The following SUMF1 variants were observed in gnomAD, a reference collection of about 807,000 sequenced individuals.
SUMF1 encodes the protein formylglycine-generating enzyme.
Under a neutral mutation model 47.6 loss-of-function variants are expected in SUMF1, and 48 were observed. The ratio of observed to expected loss-of-function variants is 1.01; its 90% CI spans 0.80 to 1.28. The LOEUF is 1.28. Among genes scored for constraint, SUMF1 ranks in the 50% most tolerant of loss-of-function variants. The pLI, the probability that SUMF1 is intolerant of heterozygous loss-of-function variation, is 0.00. For synonymous variants in SUMF1, 230 were observed against 192.1 expected, an observed-to-expected ratio of 1.20 and a Z score of -1.63; for missense variants, 571 against 485.4, an observed-to-expected ratio of 1.18 and a Z score of -1.66.
intron 8 of SUMF1, among the ~76,000 whole-genome samples, chr3:4,299,782 C>G (rs568079787): frequency 6.6e-6 from 1 of 151,990 alleles, no homozygotes; most frequent in East Asian, 1.9e-4. Context: ...TGCACTCCAG[C>G]CTGGGTGACA....
At chr3:4,376,162 A>T (rs1300560255) in intron 8 of SUMF1, among the ~76,000 whole-genome samples, 168 bp downstream of exon 8, 1 of 152,210 alleles carries the variant, frequency 6.6e-6, no homozygotes, top group African/African-American at 2.4e-5. Context: ...ACTTTTCTCC[A>T]TGCTTGTAAC....
intron 8 of SUMF1, among the ~76,000 whole-genome samples, chr3:4,267,354 C>T (rs1206875572): frequency 2.6e-5 from 4 of 152,126 alleles, no homozygotes; most frequent in Admixed American, 2.6e-4. Context: ...CCATCTGGTC[C>T]TGGACTCTAT....
In SUMF1 at chr3:4,052,483, T is replaced by C. The variant is rs191744381; in HGVS notation, c.1191+16086A>G. Among the ~76,000 whole-genome samples, 3 of 152,292 alleles carry C rather than the reference T, an allele frequency of 2.0e-5. No individual in the cohort carries two copies. In the East Asian group the frequency reaches 5.8e-4, roughly 29 times the overall value. On this transcript the variant is annotated intron_variant and NMD_transcript_variant, in intron 9 of 12. Transcript: ENST00000448413. Reference sequence around the variant, plus strand: ...ATACATGCTTTCCCCTCCCATCTCATGCCTCCCAGAGAAACTGCAGCTCCT... The same window carrying C: ...ATACATGCTTTCCCCTCCCATCTCACGCCTCCCAGAGAAACTGCAGCTCCT...
At chr3:4,332,774 C>A (rs1390870910) in intron 8 of SUMF1, among the ~76,000 whole-genome samples, 1 of 152,140 alleles carries the variant, frequency 6.6e-6, no homozygotes, top group Non-Finnish European at 1.5e-5. Context: ...AAAGGTCCCA[C>A]CCTCAAGCCT....
chr3:4,390,138 G>C (rs774475292), intron 7 of SUMF1, among the ~76,000 whole-genome samples: 41 of 152,330 alleles, frequency 2.7e-4, no homozygotes, highest in African/African-American at 6.7e-4. Flanking sequence ...AAGAGAGAAG[G>C]TGTGATCCTG....
intron 7 of SUMF1, among the ~76,000 whole-genome samples, chr3:4,388,269 T>A (rs1700737759): frequency 6.6e-6 from 1 of 152,110 alleles, no homozygotes; most frequent in South Asian, 2.1e-4. Flanking sequence ...ATACACAGTA[T>A]TACTATGTCC....
intron 8 of SUMF1, among the ~76,000 whole-genome samples, chr3:4,178,661 A>C (rs1324081323): frequency 6.6e-6 from 1 of 152,190 alleles, no homozygotes; most frequent in Non-Finnish European, 1.5e-5. Flanking sequence ...CACCACTCCT[A>C]TTCAACATAG....
intron 8 of SUMF1, among the ~76,000 whole-genome samples, chr3:4,164,367 C>A (rs540115641): frequency 2.6e-5 from 4 of 152,162 alleles, no homozygotes; most frequent in Non-Finnish European, 5.9e-5. Flanking sequence ...AGGGTGATGA[C>A]ATGAGCTGGC....
intron 8 of SUMF1, among the ~76,000 whole-genome samples, chr3:4,349,184 G>A (rs1397970972): frequency 6.6e-6 from 1 of 152,156 alleles, no homozygotes. Flanking sequence ...ATCAAAGAGT[G>A]GGTGAAGGAT....
rs1420064462 is a variant in SUMF1, at chr3:4,202,191, TG to T, written c.1015-133447del. Among the ~76,000 whole-genome samples, 4 of 152,124 alleles carry T rather than the reference TG, an allele frequency of 2.6e-5. No individual in the cohort carries two copies. In the South Asian group the frequency reaches 8.3e-4, roughly 31 times the overall value. On this transcript the variant is annotated intron_variant and NMD_transcript_variant, in intron 8 of 12. Transcript: ENST00000448413. ...GAAATCTTTGCCCAGACCAATGTCC[TG>T]GACAGTTTCTCCAATTTTTTCTTTT...
chr3:4,388,661 T>C (rs563461368), intron 7 of SUMF1, among the ~76,000 whole-genome samples: 2 of 152,210 alleles, frequency 1.3e-5, no homozygotes, highest in East Asian at 3.9e-4. Context: ...TGACTTCCTG[T>C]GGGTTACCCA....
intron 7 of SUMF1, among the ~76,000 whole-genome samples, chr3:4,396,936 A>G (rs1407804459): frequency 6.6e-6 from 1 of 152,222 alleles, no homozygotes; most frequent in Non-Finnish European, 1.5e-5. Context: ...AAACCAGTCA[A>G]CCTAAACACA....
chr3:4,455,392 C>T (rs1467631046), intron 1 of SUMF1, among the ~76,000 whole-genome samples: 2 of 152,130 alleles, frequency 1.3e-5, no homozygotes, highest in East Asian at 3.9e-4. Flanking sequence ...TCTGAACAGA[C>T]TGATAACAAA....
intron 8 of SUMF1, among the ~76,000 whole-genome samples, chr3:4,210,813 T>C (rs1214261344): frequency 9.9e-5 from 15 of 151,802 alleles, no homozygotes; most frequent in Non-Finnish European, 2.9e-5. Context: ...GAGATTAACA[T>C]TTGTGTCGCT....
intron 8 of SUMF1, among the ~76,000 whole-genome samples, chr3:4,122,493 C>T (rs899544960): frequency 1.3e-5 from 2 of 152,142 alleles, no homozygotes; most frequent in Admixed American, 6.5e-5. Context: ...AGTGGTTTTA[C>T]AACAGTGTGA....
At chr3:4,411,893 G>C (rs924283924) in intron 6 of SUMF1, among the ~76,000 whole-genome samples, 2 of 152,022 alleles carry the variant, frequency 1.3e-5, no homozygotes. Flanking sequence ...AAATCTTTTT[G>C]TAAATCCATG....
intron 8 of SUMF1, among the ~76,000 whole-genome samples, chr3:4,199,044 CA>C (rs2125150434): frequency 1.3e-5 from 2 of 151,998 alleles, no homozygotes; most frequent in East Asian, 3.9e-4. Context: ...TTGAAGTTTA[CA>C]GATCAAATGA....
At chr3:4,354,788 A>C (rs775363095) in intron 8 of SUMF1, among the ~76,000 whole-genome samples, 1 of 152,140 alleles carries the variant, frequency 6.6e-6, no homozygotes, top group Non-Finnish European at 1.5e-5. Flanking sequence ...TGCTTCTAAT[A>C]GTCATATTTA....
At chr3:4,066,867 C>A (rs1014090197) in intron 9 of SUMF1, among the ~76,000 whole-genome samples, 3 of 152,156 alleles carry the variant, frequency 2.0e-5, no homozygotes, top group Non-Finnish European at 4.4e-5. Context: ...GAGCATAAGA[C>A]CTAAGGTGAT....
Sources: gnomAD v4.1 joint callset for allele counts (sites outside exome capture counted in the v4.1 genomes callset) on GRCh38, gnomAD v4.1.1 for gene constraint, MANE v1.5 for transcripts, NCBI Gene and HGNC (gene_info 2026-07-23, HGNC 2026-07-21) for gene names.